The following RTN1 variants were observed in gnomAD, a reference collection of about 807,000 sequenced individuals.
The protein encoded by RTN1 is reticulon 1.
In RTN1, 25 loss-of-function variants were observed where a neutral mutation model predicts 65.5. That is an observed-to-expected ratio of 0.38 (90% CI 0.28 to 0.53). The LOEUF (loss-of-function observed/expected upper bound fraction) is 0.53, where lower values mean the gene tolerates loss of function less well. Ranked by LOEUF, RTN1 falls within the 20% of genes least tolerant of loss-of-function variation. The pLI, the probability that RTN1 is intolerant of heterozygous loss-of-function variation, is 0.79. For synonymous variants in RTN1, 471 were observed against 447.6 expected, an observed-to-expected ratio of 1.05 and a Z score of -0.66; for missense variants, 983 against 1,025.4, an observed-to-expected ratio of 0.96 and a Z score of 0.57.
chr14:59,605,275 T>G, intron 5 of RTN1, 93 bp downstream of exon 5: 1 of 1,382,992 alleles, frequency 7.2e-7, no homozygotes, highest in Non-Finnish European at 9.8e-7. Flanking sequence ...TAGCACTTGC[T>G]TTTTATTCTT....
At chr14:59,630,373 T>C in intron 3 of RTN1, 2 of 1,595,038 alleles carry the variant, frequency 1.3e-6, no homozygotes, top group South Asian at 2.2e-5. Context: ...GGTGAAATGA[T>C]GCACAATGGA....
At chr14:59,704,010 TA>T (rs1347445393) in intron 3 of RTN1, among the ~76,000 whole-genome samples, 1 of 152,216 alleles carries the variant, frequency 6.6e-6, no homozygotes, top group Non-Finnish European at 1.5e-5. Flanking sequence ...GGAAGGATGA[TA>T]ATATTGCAGG....
At chr14:59,698,229 C>A (rs1225319256) in intron 3 of RTN1, among the ~76,000 whole-genome samples, 1 of 151,998 alleles carries the variant, frequency 6.6e-6, no homozygotes, top group Non-Finnish European at 1.5e-5. Flanking sequence ...TCCCTCCAAC[C>A]CAGAAATTCT....
rs372044260 is a variant in RTN1, at chr14:59,805,336, A to G, written c.242-58855T>C. Among the ~76,000 whole-genome samples, 86 of 152,266 alleles carry G rather than the reference A, an allele frequency of 5.6e-4. 2 individuals carry two copies. The South Asian group carries it at 0.017, about 30-fold the overall frequency. On this transcript the variant is annotated intron_variant, in intron 1 of 8. Transcript: ENST00000267484. The stretch of plus-strand genomic sequence containing the variant: ...GGGACCTTTCCTTCTTCACTGCTCT[A>G]CCATTGAATTCTGAAACAGTTTCTG...
At chr14:59,620,521 T>C (rs1401697983) in intron 3 of RTN1, among the ~76,000 whole-genome samples, 3 of 152,192 alleles carry the variant, frequency 2.0e-5, no homozygotes, top group African/African-American at 7.2e-5. Context: ...TGTATTGATA[T>C]TTTGAAAGGC....
chr14:59,680,408 T>C (rs1420315719), intron 3 of RTN1, among the ~76,000 whole-genome samples: 1 of 152,188 alleles, frequency 6.6e-6, no homozygotes, highest in Non-Finnish European at 1.5e-5. Context: ...TGCATAAAAG[T>C]TAAATAAAAA....
At chr14:59,598,574 G>A (rs897088677) in intron 8 of RTN1, among the ~76,000 whole-genome samples, 5 of 152,172 alleles carry the variant, frequency 3.3e-5, no homozygotes, top group Non-Finnish European at 5.9e-5. Context: ...AGAGGAAGAG[G>A]TGCCAGCAGA....
Position 59,625,194 on chromosome 14 carries a change from TAA to T in RTN1, c.1766-17704_1766-17703del, listed in dbSNP as rs1462347285. On this transcript the variant is annotated intron_variant, in intron 3 of 8. Coordinates refer to ENST00000267484, the MANE Select transcript of RTN1 (RefSeq NM_021136.3). ...AATCCCTATTGATATATAGTAATCA[TAA>T]TATTTTTGTCATAGAATATTAGGAT... 2.0e-5 allele frequency among the ~76,000 whole-genome samples: 3 copies of T among 152,238 alleles called. No homozygotes were observed. In the East Asian group the frequency reaches 5.8e-4, roughly 29 times the overall value.
chr14:59,600,468 A>C (rs767892323), intron 8 of RTN1, among the ~76,000 whole-genome samples: 6 of 152,202 alleles, frequency 3.9e-5, no homozygotes, highest in Non-Finnish European at 8.8e-5. Flanking sequence ...AAATGGACTC[A>C]GTCTGTCTGA....
chr14:59,632,861 C>T (rs956314814), intron 3 of RTN1, among the ~76,000 whole-genome samples: 2 of 151,870 alleles, frequency 1.3e-5, no homozygotes, highest in African/African-American at 2.4e-5. Context: ...TTTGGAAGGC[C>T]GAGGTGAGTG....
chr14:59,744,986 G>A (rs970437663), intron 2 of RTN1, among the ~76,000 whole-genome samples: 20 of 152,154 alleles, frequency 1.3e-4, no homozygotes, highest in Admixed American at 3.3e-4. Context: ...AATATTGAAC[G>A]ATGAAGGCTC....
intron 3 of RTN1, among the ~76,000 whole-genome samples, chr14:59,664,086 C>T (rs941434856): frequency 1.6e-4 from 25 of 151,988 alleles, no homozygotes; most frequent in Non-Finnish European, 3.2e-4. Context: ...AGCAATGATA[C>T]GCTGGATAAA....
intron 1 of RTN1, among the ~76,000 whole-genome samples, chr14:59,783,705 G>A (rs1385940654): frequency 6.6e-6 from 1 of 152,080 alleles, no homozygotes; most frequent in Non-Finnish European, 1.5e-5. Context: ...AAGGGAGTGG[G>A]GCCAGTGTTA....
intron 3 of RTN1, among the ~76,000 whole-genome samples, chr14:59,685,493 C>T (rs1883828412): frequency 5.9e-5 from 9 of 152,064 alleles, no homozygotes; most frequent in Admixed American, 5.9e-4. Flanking sequence ...AAATCACATA[C>T]AAAAATGAGT....
intron 3 of RTN1, among the ~76,000 whole-genome samples, chr14:59,711,516 G>C (rs1383045138): frequency 6.6e-6 from 1 of 152,126 alleles, no homozygotes; most frequent in Non-Finnish European, 1.5e-5. Flanking sequence ...TTTTGAAAAA[G>C]AACACAAGCT....
chr14:59,830,106 T>TA (rs1887099776), intron 1 of RTN1, among the ~76,000 whole-genome samples: 1 of 152,206 alleles, frequency 6.6e-6, no homozygotes, highest in African/African-American at 2.4e-5. Context: ...CGTGGCCTTC[T>TA]CCCCATTGTT....
chr14:59,698,192 T>C lies in RTN1; in HGVS notation c.1765+28727A>G, dbSNP rs528283874. On this transcript the variant is annotated intron_variant, in intron 3 of 8. Coordinates refer to ENST00000267484, the MANE Select transcript of RTN1 (RefSeq NM_021136.3). ...GGTGGTGAGTTCTCTGTACTGAGAATGTTCATAAGATTTTTAAAATACTGG... is the reference window on the plus strand; with the variant it reads ...GGTGGTGAGTTCTCTGTACTGAGAACGTTCATAAGATTTTTAAAATACTGG... Among the ~76,000 whole-genome samples the C allele has an allele frequency of 6.6e-5, 10 of 152,264 alleles. No individual in the cohort carries two copies. The South Asian group carries it at 2.1e-3, about 32-fold the overall frequency.
At chr14:59,778,956 G>A (rs1260581796) in intron 1 of RTN1, among the ~76,000 whole-genome samples, 1 of 152,138 alleles carries the variant, frequency 6.6e-6, no homozygotes, top group Non-Finnish European at 1.5e-5. Flanking sequence ...AGTCACCGAA[G>A]GGCTTTAATC....
intron 3 of RTN1, chr14:59,646,911 G>C (rs1336570216): frequency 1.3e-5 from 2 of 154,050 alleles, no homozygotes; most frequent in Non-Finnish European, 2.9e-5. Flanking sequence ...ACAATACAAT[G>C]ACAGAATCAA....
Sources: gnomAD v4.1 joint callset for allele counts (sites outside exome capture counted in the v4.1 genomes callset) on GRCh38, gnomAD v4.1.1 for gene constraint, MANE v1.5 for transcripts, NCBI Gene and HGNC (gene_info 2026-07-23, HGNC 2026-07-21) for gene names.